Variants in PAK1 observed in about 807,000 individuals in gnomAD.
The protein encoded by PAK1 is p21 (RAC1) activated kinase 1.
A neutral mutation model predicts 67.4 loss-of-function variants in PAK1; 29 were observed. That is an observed-to-expected ratio of 0.43 (90% CI 0.32 to 0.59). The LOEUF is 0.59. PAK1 is among the 20% of genes least tolerant of loss of function. PAK1 has a pLI of 0.07. For missense variants in PAK1, 337 were observed against 670.7 expected (o/e 0.50, Z 5.50); for synonymous variants, 223 against 237.4 (o/e 0.94, Z 0.56).
intron 1 of PAK1, among the ~76,000 whole-genome samples, chr11:77,442,753 T>C (rs1956410618): frequency 6.6e-6 from 1 of 152,300 alleles, no homozygotes; most frequent in South Asian, 2.1e-4. Flanking sequence ...AGATAACTAA[T>C]ACAACCATCA....
chr11:77,519,625 C>T, the PAK1 span, among the ~76,000 whole-genome samples: 1 of 152,144 alleles, frequency 6.6e-6, no homozygotes, highest in Admixed American at 6.5e-5. Context: ...TTGCAAAATG[C>T]TGGTTTTTTT....
chr11:77,372,782 T>C (rs1413633415), intron 5 of PAK1, among the ~76,000 whole-genome samples: 1 of 152,210 alleles, frequency 6.6e-6, no homozygotes, highest in Non-Finnish European at 1.5e-5. Context: ...CTTGCCCACA[T>C]ACATGCTATT....
At chr11:77,417,450 G>A (rs765066064) in intron 1 of PAK1, among the ~76,000 whole-genome samples, 7 of 152,128 alleles carry the variant, frequency 4.6e-5, no homozygotes, top group East Asian at 1.9e-4. Flanking sequence ...GATAAGTGGC[G>A]GCCAGGTATT....
intron 1 of PAK1, among the ~76,000 whole-genome samples, chr11:77,417,744 T>C (rs556936549): frequency 1.2e-3 from 181 of 151,948 alleles, no homozygotes; most frequent in Admixed American, 0.01. Context: ...TTTTCTTTTT[T>C]TTTTTTTGAG....
chr11:77,475,252 A>ACAC (rs1958041293), upstream of PAK1: 1 of 152,206 alleles, frequency 6.6e-6, no homozygotes, highest in East Asian at 1.9e-4. Context: ...ATCAAGTTGG[A>ACAC]CACCAAGTCT....
At chr11:77,500,131 A>C in the PAK1 span, among the ~76,000 whole-genome samples, 3 of 152,216 alleles carry the variant, frequency 2.0e-5, no homozygotes, top group Admixed American at 6.5e-5. Flanking sequence ...GCAAAGATGA[A>C]TATACATAAC....
At chr11:77,520,184 C>T in the PAK1 span, among the ~76,000 whole-genome samples, 1 of 152,184 alleles carries the variant, frequency 6.6e-6, no homozygotes, top group African/African-American at 2.4e-5. Context: ...GTCTCATTCC[C>T]CCCTCTAAAG....
intron 1 of PAK1, among the ~76,000 whole-genome samples, chr11:77,445,862 T>A (rs1252555396): frequency 6.6e-6 from 1 of 152,138 alleles, no homozygotes; most frequent in African/African-American, 2.4e-5. Flanking sequence ...TGCCCTATTC[T>A]CCCTTGTCCG....
intron 14 of PAK1, among the ~76,000 whole-genome samples, chr11:77,328,331 C>G (rs1408536109): frequency 2.0e-5 from 3 of 152,152 alleles, no homozygotes; most frequent in Non-Finnish European, 4.4e-5. Context: ...ACAGAATATA[C>G]ATTCTTTTCA....
chr11:77,379,570 A>G (rs968763786), intron 3 of PAK1, 182 bp from the exon 4 acceptor site: 7 of 605,578 alleles, frequency 1.2e-5, no homozygotes, highest in Non-Finnish European at 2.0e-5. Context: ...TGAATTAGTC[A>G]TTTCTTAAGA....
intron 1 of PAK1, among the ~76,000 whole-genome samples, chr11:77,429,080 A>AAAAAAAAAAAAAAAAAAAAAAAC (rs1955729319): frequency 8.2e-6 from 1 of 121,818 alleles, no homozygotes; most frequent in Non-Finnish European, 1.6e-5. Flanking sequence ...AAAAAAAAAA[A>AAAAAAAAAAAAAAAAAAAAAAAC]AAAAAAAAAA....
At chr11:77,332,480 A>G (rs1433713785) in intron 14 of PAK1, among the ~76,000 whole-genome samples, 1 of 150,688 alleles carries the variant, frequency 6.6e-6, no homozygotes, top group East Asian at 2.0e-4. Context: ...GCAAAGCTCA[A>G]TAGGTGCTCA....
the PAK1 span, among the ~76,000 whole-genome samples, chr11:77,486,102 G>A: frequency 6.6e-6 from 1 of 152,150 alleles, no homozygotes; most frequent in African/African-American, 2.4e-5. Context: ...TTCTGCACTT[G>A]AAGCTTGACT....
intron 1 of PAK1, among the ~76,000 whole-genome samples, chr11:77,435,306 C>G (rs958659551): frequency 3.3e-5 from 5 of 152,070 alleles, no homozygotes; most frequent in Non-Finnish European, 7.4e-5. Flanking sequence ...AAGGGTCAGT[C>G]AAGTTGAGGT....
chr11:77,428,097 C>T (rs1955651553), intron 1 of PAK1, among the ~76,000 whole-genome samples: 1 of 152,208 alleles, frequency 6.6e-6, no homozygotes, highest in Non-Finnish European at 1.5e-5. Flanking sequence ...CCTTGAATGA[C>T]AGCCCAAGGA....
rs1278599485 is a variant in PAK1, at chr11:77,325,458, A to G, written c.1552-2098T>C. On this transcript the variant is annotated intron_variant, in intron 14 of 14. Transcript: ENST00000356341. ...TAAAGTGCTTAGTGCCTAAATATAT[A>G]AAGTGTTTAGTGCCTAAAATATGGT... 9 of 1,419,086 alleles carry G rather than the reference A, an allele frequency of 6.3e-6. No homozygotes were observed. In the East Asian group the frequency reaches 9.3e-5, roughly 15 times the overall value. The allele number at this position is 1,419,086 out of a possible 1,614,324, so 87.9% of individuals were successfully genotyped here.
chr11:77,404,392 C>T (rs1170215948), intron 1 of PAK1, among the ~76,000 whole-genome samples: 4 of 152,006 alleles, frequency 2.6e-5, no homozygotes, highest in African/African-American at 2.4e-5. Context: ...CTCAGCCTCC[C>T]GAGTAGCTAG....
intron 1 of PAK1, among the ~76,000 whole-genome samples, chr11:77,443,296 T>C (rs1329696709): frequency 7.8e-5 from 11 of 140,656 alleles, no homozygotes; most frequent in South Asian, 2.3e-4. Context: ...AGAGTGAGAC[T>C]CCGTCTCTTA....
chr11:77,437,612 C>T (rs892949299), intron 1 of PAK1, among the ~76,000 whole-genome samples: 16 of 152,046 alleles, frequency 1.1e-4, no homozygotes, highest in Non-Finnish European at 1.5e-4. Context: ...TAGCCACTAC[C>T]GGCATCTAGC....
Sources: allele counts gnomAD v4.1 joint callset (sites outside exome capture counted in the v4.1 genomes callset), GRCh38; gene constraint gnomAD v4.1.1; transcripts MANE v1.5; gene names NCBI Gene and HGNC (gene_info 2026-07-23, HGNC 2026-07-21).